The following TET2 variants were observed in gnomAD, a reference collection of about 807,000 sequenced individuals.
TET2 encodes the protein methylcytosine dioxygenase TET2.
A neutral mutation model predicts 142.9 loss-of-function variants in TET2; 299 were observed. The observed-to-expected ratio is 2.09, with a 90% CI of 1.90 to 2.30. The LOEUF (loss-of-function observed/expected upper bound fraction) is 2.30. Ranked by LOEUF, TET2 falls within the 30% of genes most tolerant of loss-of-function variation. The probability of loss-of-function intolerance (pLI) is 0.00; values close to 1 mark genes in which losing one functional copy is unlikely to be tolerated. For synonymous variants in TET2, 819 were observed against 849.0 expected (o/e 0.96, Z 0.61); for missense variants, 2,418 against 2,378.0 (o/e 1.02, Z -0.35).
At chr4:105,230,796 C>T (rs537604170) in intron 2 of TET2, among the ~76,000 whole-genome samples, 2 of 152,204 alleles carry the variant, frequency 1.3e-5, no homozygotes, top group Non-Finnish European at 2.9e-5. Context: ...TCTTTTATGA[C>T]TTCTAGATTT....
chr4:105,210,448 A>T (rs1727093513), intron 2 of TET2, among the ~76,000 whole-genome samples: 1 of 152,154 alleles, frequency 6.6e-6, no homozygotes, highest in South Asian at 2.1e-4. Context: ...GGGGCATTAA[A>T]TACCATTGGT....
At chr4:105,243,026 C>A (rs1729388207) in intron 5 of TET2, 99 bp downstream of exon 5, 1 of 937,398 alleles carries the variant, frequency 1.1e-6, no homozygotes, top group Non-Finnish European at 1.7e-6. Context: ...AAGACTCATG[C>A]CAGTTAAAAA....
chr4:105,236,951 GA>G lies in TET2; in HGVS notation c.3014del (p.Lys1005ArgfsTer2), dbSNP rs1217499559. ...HTAPPENKTW[K>X]KVTKQENPPA... ...CAGCACCACCAGAAAACAAAACATG[GA>G]AAAAGGTAACTAAGCAAGAGAATCC... On this transcript the variant is annotated frameshift_variant, in exon 3 of 11. Coordinates refer to ENST00000380013, the MANE Select transcript of TET2 (RefSeq NM_001127208.3). LOFTEE classifies it high-confidence loss of function. 1.2e-6 allele frequency: 2 copies of G among 1,613,986 alleles called. No individual in the cohort carries two copies. Among genetic ancestry groups the G allele is most frequent in the Non-Finnish European group, 1.7e-6 (2 of 1,180,026 alleles).
At chr4:105,223,653 A>G (rs1363117892) in intron 2 of TET2, among the ~76,000 whole-genome samples, 1 of 152,194 alleles carries the variant, frequency 6.6e-6, no homozygotes, top group Non-Finnish European at 1.5e-5. Context: ...TAATTGACAC[A>G]AGCTATGTCC....
chr4:105,231,885 C>T lies in TET2; in HGVS notation c.-46-2012C>T, dbSNP rs142188402. On this transcript the variant is annotated intron_variant, in intron 2 of 10. Transcript: ENST00000380013. The stretch of plus-strand genomic sequence containing the variant: ...CGTTAGTACTACTCTCAAAAATGTT[C>T]GAATGAATGCAATCAGATTCAAGGG... Among the ~76,000 whole-genome samples the T allele has an allele frequency of 6.4e-4, 97 of 152,156 alleles. 2 individuals are homozygous for T. The highest frequency in any genetic ancestry group is 2.2e-3 in the African/African-American group (93 of 41,510).
At chr4:105,223,764 A>G (rs1346622707) in intron 2 of TET2, among the ~76,000 whole-genome samples, 2 of 152,114 alleles carry the variant, frequency 1.3e-5, no homozygotes, top group African/African-American at 2.4e-5. Flanking sequence ...TTTCATGTCA[A>G]TAAATATTTA....
chr4:105,213,431 A>C (rs1727290227), intron 2 of TET2, among the ~76,000 whole-genome samples: 3 of 152,242 alleles, frequency 2.0e-5, no homozygotes, highest in Non-Finnish European at 4.4e-5. Flanking sequence ...CAAAGCTTGT[A>C]ATGATCGTCA....
chr4:105,209,081 A>G (rs1209498092), intron 2 of TET2, among the ~76,000 whole-genome samples: 4 of 103,498 alleles, frequency 3.9e-5, no homozygotes, highest in African/African-American at 2.0e-4. Flanking sequence ...ATATATATAT[A>G]TATATATATA....
intron 6 of TET2, among the ~76,000 whole-genome samples, chr4:105,256,384 A>G (rs952594891): frequency 7.2e-5 from 11 of 152,168 alleles, no homozygotes; most frequent in African/African-American, 2.4e-4. Flanking sequence ...TGCAAAATAC[A>G]GAATTCTTGG....
In TET2 at chr4:105,234,369, G is replaced by A. The variant is rs749618735; in HGVS notation, c.427G>A (p.Asp143Asn). 9.3e-6 allele frequency: 15 copies of A among 1,613,920 alleles called. No individual in the cohort carries two copies. The highest frequency in any genetic ancestry group is 3.3e-5 in the South Asian group (3 of 91,086). Reference protein sequence around the residue: ...PGESSQPNVSDLSDKKESVSS... With the variant: ...PGESSQPNVSNLSDKKESVSS... ...TGAAAGCAGTCAACCAAATGTCTCC[G>A]ATTTGAGTGATAAGAAAGAATCTGT... Residue 143 changes from aspartate (D) to asparagine (N), a missense_variant, in exon 3 of 11, where the codon GAT becomes AAT. Coordinates refer to ENST00000380013, the MANE Select transcript of TET2 (RefSeq NM_001127208.3).
At chr4:105,170,920 C>T (rs573245482) in intron 1 of TET2, among the ~76,000 whole-genome samples, 1 of 152,296 alleles carries the variant, frequency 6.6e-6, no homozygotes, top group Admixed American at 6.5e-5. Flanking sequence ...CTTCTGCTTC[C>T]TTTATTTCAG....
rs375329420 is a variant in TET2 at position 105,167,064 on chromosome 4, A to T, written c.-193+20085A>T. Among the ~76,000 whole-genome samples the T allele has an allele frequency of 5.1e-4, 78 of 151,990 alleles. 1 individual carries two copies. Among genetic ancestry groups the T allele is most frequent in the African/African-American group, 1.6e-3 (66 of 41,416 alleles). On this transcript the variant is annotated intron_variant, in intron 1 of 10. Transcript: ENST00000380013. The stretch of plus-strand genomic sequence containing the variant: ...CCCTATCTTTATGAAACTCATGTTA[A>T]TGGTGCATTAGAACTTGTGAACTGA...
At chr4:105,244,658 C>T (rs535331562) in intron 6 of TET2, among the ~76,000 whole-genome samples, 15 of 134,066 alleles carry the variant, frequency 1.1e-4, no homozygotes, top group South Asian at 7.2e-4. Context: ...TGCAATGGCG[C>T]GATCTTGGTT....
chr4:105,156,816 A>T (rs1723589822), intron 1 of TET2, among the ~76,000 whole-genome samples: 1 of 152,206 alleles, frequency 6.6e-6, no homozygotes, highest in South Asian at 2.1e-4. Context: ...ATGTGAGAGT[A>T]ATACAATGAG....
At chr4:105,240,638 A>G in intron 3 of TET2, 4 of 1,080,124 alleles carry the variant, frequency 3.7e-6, no homozygotes, top group Non-Finnish European at 4.5e-6. Context: ...AACACCACAC[A>G]TCTCATAGAT....
chr4:105,188,879 G>A (rs2110476504), intron 1 of TET2, among the ~76,000 whole-genome samples: 1 of 152,146 alleles, frequency 6.6e-6, no homozygotes, highest in African/African-American at 2.4e-5. Flanking sequence ...GCTCCTAATG[G>A]GTACTGGGTT....
chr4:105,265,288 A>G, intron 8 of TET2, among the ~76,000 whole-genome samples: 1 of 152,234 alleles, frequency 6.6e-6, no homozygotes, highest in Admixed American at 6.5e-5. Flanking sequence ...GTTTAAATTA[A>G]TGTAAAAATT....
At position 105,261,959 on chromosome 4, in the gene TET2, CTCT is replaced by C. The variant is rs536544366; in HGVS notation, c.4044+113_4044+115del. On this transcript the variant is annotated intron_variant, in intron 8 of 10. Coordinates refer to ENST00000380013, the MANE Select transcript of TET2 (RefSeq NM_001127208.3). ...TTTTTAAATATTATTCTAACTTTTC[CTCT>C]TAATTGTTGAAACCACTGCAGTGTT... 8.3e-4 allele frequency: 580 copies of C among 699,296 alleles called. No individual in the cohort carries two copies. The African/African-American group carries it at 9.7e-3, about 12-fold the overall frequency. The allele number at this position is 699,296 out of a possible 1,614,324, so 43.3% of individuals were successfully genotyped here.
Position 105,236,616 on chromosome 4 carries a change from C to CA in TET2, c.2676dup (p.Ala893SerfsTer8). The CA allele has an allele frequency of 6.2e-7, 1 of 1,614,088 alleles. No individual in the cohort carries two copies. The highest frequency in any genetic ancestry group is 8.5e-7 in the Non-Finnish European group (1 of 1,180,006). ...TCAAGAACAGGAGCAGAAGTCACAA[C>CA]AAGCTTCAGTTCTACAGGGATATAA... On this transcript the variant is annotated frameshift_variant, in exon 3 of 11. Coordinates refer to ENST00000380013, the MANE Select transcript of TET2 (RefSeq NM_001127208.3). LOFTEE classifies it high-confidence loss of function.
Sources: gnomAD v4.1 joint callset for allele counts (sites outside exome capture counted in the v4.1 genomes callset) on GRCh38, gnomAD v4.1.1 for gene constraint, MANE v1.5 for transcripts, NCBI Gene and HGNC (gene_info 2026-07-23, HGNC 2026-07-21) for gene names.